Variants in ZBTB47 observed in about 807,000 individuals in gnomAD.
ZBTB47 encodes the protein zinc finger and BTB domain containing 47.
In ZBTB47, 24 loss-of-function variants were observed where a neutral mutation model predicts 56.6. That is an observed-to-expected ratio of 0.42 (90% CI 0.31 to 0.60). The LOEUF (loss-of-function observed/expected upper bound fraction) is 0.60. Ranked by LOEUF, ZBTB47 falls within the 20% of genes least tolerant of loss-of-function variation. The pLI is 0.14. For synonymous variants in ZBTB47, 414 were observed against 418.9 expected (o/e 0.99, Z 0.14); for missense variants, 829 against 1,032.6 (o/e 0.80, Z 2.70).
At chr3:42,661,363 C>A in intron 2 of ZBTB47, 122 bp from the exon 3 acceptor site, 1 of 1,126,092 alleles carries the variant, frequency 8.9e-7, no homozygotes, top group Non-Finnish European at 1.3e-6. Flanking sequence ...TGGCTGTTGG[C>A]ATCAAGGGCT....
In ZBTB47 at chr3:42,659,395, A is replaced by G. The variant is rs1710683498; in HGVS notation, c.1040A>G (p.Glu347Gly). ...GAGCAGGATCAAGAGAGCTCTGAGG[A>G]GGAGGAGGGGGAGGAGGGGGAGGCT... The part of the protein sequence containing the change: ...PSEQDQESSE[E>G]EEGEEGEAGG... Residue 347 changes from glutamate to glycine, a missense_variant, in exon 2 of 6, where the codon GAG becomes GGG. Glu to Gly is a moderately conservative substitution (Grantham distance 98, BLOSUM62 -2). Around this residue, in one of 6 missense-constraint regions of ZBTB47, gnomAD observed 359 missense variants for 359.8 expected, o/e 1.00. Transcript: ENST00000232974. 1.1e-6 allele frequency: 1 copy of G among 872,982 alleles called. No individual in the cohort carries two copies. The highest frequency in any genetic ancestry group is 1.4e-6 in the Non-Finnish European group (1 of 733,166). 54.1% of individuals were successfully genotyped at this position (872,982 alleles called of 1,614,324 possible).
In ZBTB47 at chr3:42,659,678, C is replaced by T. The variant is rs758668842; in HGVS notation, c.1323C>T (p.Cys441=). The T allele has an allele frequency of 6.2e-7, 1 of 1,612,780 alleles. No homozygotes were observed. Among genetic ancestry groups the T allele is most frequent in the East Asian group, 2.2e-5 (1 of 44,828 alleles). Residue 441 remains cysteine, a synonymous_variant, in exon 2 of 6, where the codon TGC becomes TGT. Coordinates refer to ENST00000232974, the MANE Select transcript of ZBTB47 (RefSeq NM_145166.4). ...EEKQHHPCQK[C]PRVFNNRWYL... ...AGCAGCACCATCCATGCCAGAAGTG[C>T]CCACGAGTTTTCAACAACCGCTGGT...
At chr3:42,657,528 A>G (rs2125836435) in intron 1 of ZBTB47, among the ~76,000 whole-genome samples, 1 of 152,306 alleles carries the variant, frequency 6.6e-6, no homozygotes, top group East Asian at 1.9e-4. Context: ...GCCTGGCCCA[A>G]GCCCTGGCTG....
chr3:42,660,009 A>G (rs1710694464), intron 2 of ZBTB47, among the ~76,000 whole-genome samples, 181 bp downstream of exon 2: 1 of 152,202 alleles, frequency 6.6e-6, no homozygotes, highest in Admixed American at 6.5e-5. Context: ...CTCAGGGGTA[A>G]CATCAAGCCG....
Position 42,654,760 on chromosome 3 carries a change from C to T in ZBTB47, c.-82+877C>T. 1.0e-6 allele frequency: 1 copy of T among 979,694 alleles called. No homozygotes were observed. Among genetic ancestry groups the T allele is most frequent in the Non-Finnish European group, 1.2e-6 (1 of 824,816 alleles). 60.7% of individuals were successfully genotyped at this position (979,694 alleles called of 1,614,324 possible). A position where few individuals can be genotyped will look rare whatever the true frequency, so the allele number is the denominator to read the frequency against. ...CCTGCCAGCTCTGACCTCCCAGGCA[C>T]ACGGCCCGCGGGCCCGGGTGGAGGG... On this transcript the variant is annotated intron_variant, in intron 1 of 5. Transcript: ENST00000232974. This position sits in a 1 kb window ranked among gnomAD's most constrained non-coding sequence, Gnocchi z 5.0.
At chr3:42,662,447 G>A (rs1386173472) in intron 3 of ZBTB47, among the ~76,000 whole-genome samples, 1 of 152,208 alleles carries the variant, frequency 6.6e-6, no homozygotes, top group African/African-American at 2.4e-5. Flanking sequence ...TGTCTCCAGT[G>A]GCCACCTACC....
chr3:42,654,706 C>T lies in ZBTB47; in HGVS notation c.-82+823C>T. On this transcript the variant is annotated intron_variant, in intron 1 of 5. Transcript: ENST00000232974. The surrounding 1 kb of genome is among the most constrained non-coding windows in gnomAD (Gnocchi z 5.0). ...CGCCACGGCACCATGGTACGCAGGG[C>T]CCTGCCTGTCCCCCCGCTTATCCGC... The T allele has an allele frequency of 2.0e-6, 2 of 985,042 alleles. No homozygotes were observed. Among genetic ancestry groups the T allele is most frequent in the Non-Finnish European group, 2.4e-6 (2 of 829,754 alleles). The allele number at this position is 985,042 out of a possible 1,614,324, so 61.0% of individuals were successfully genotyped here.
At position 42,664,689 on chromosome 3, in the gene ZBTB47, C is replaced by T. The variant is rs1397974034; in HGVS notation, c.*91C>T. ...TGCCTTCCCGGGGAGCACAGTAGTGCGGGCCTGGGCCCTGCTCCACCTCCA... is the reference window on the plus strand; with the variant it reads ...TGCCTTCCCGGGGAGCACAGTAGTGTGGGCCTGGGCCCTGCTCCACCTCCA... On this transcript the variant is annotated 3_prime_UTR_variant, in exon 6 of 6. Transcript: ENST00000232974. 13 of 1,314,104 alleles carry T rather than the reference C, an allele frequency of 9.9e-6. No homozygotes were observed. Among genetic ancestry groups the T allele is most frequent in the East Asian group, 3.1e-5 (1 of 31,958 alleles). The allele number at this position is 1,314,104 out of a possible 1,614,324, so 81.4% of individuals were successfully genotyped here.
At chr3:42,657,914 A>T (rs1710657694) in intron 1 of ZBTB47, among the ~76,000 whole-genome samples, 1 of 152,192 alleles carries the variant, frequency 6.6e-6, no homozygotes, top group South Asian at 2.1e-4. Context: ...TGCACCCCAG[A>T]AAATGCCCAG....
At chr3:42,655,270 G>A (rs925011294) in intron 1 of ZBTB47, among the ~76,000 whole-genome samples, 1 of 152,136 alleles carries the variant, frequency 6.6e-6, no homozygotes, top group African/African-American at 2.4e-5. Context: ...GTGCCCCCTT[G>A]CTCAGTCTGG....
In ZBTB47 at chr3:42,658,511, G is replaced by A. The variant is rs1440946562; in HGVS notation, c.156G>A (p.Leu52=). The A allele has an allele frequency of 3.3e-6, 5 of 1,537,202 alleles. No homozygotes were observed. Among genetic ancestry groups the A allele is most frequent in the South Asian group, 1.2e-5 (1 of 84,066 alleles). ...FHSLFTQNKQ[L]QRVELSLEAL... ...CACTCTTCACCCAGAACAAGCAGCT[G>A]CAGCGTGTGGAGCTGTCCCTGGAGG... is the stretch of plus-strand genomic sequence containing the variant. The change falls in exon 2 of 6, where the codon CTG becomes CTA. Residue 52 remains leucine, a synonymous_variant. Transcript: ENST00000232974.
Position 42,658,687 on chromosome 3 carries a change from C to A in ZBTB47, c.332C>A (p.Ala111Asp). 4 of 1,536,236 alleles carry A rather than the reference C, an allele frequency of 2.6e-6. No individual in the cohort carries two copies. The highest frequency in any genetic ancestry group is 3.5e-6 in the Non-Finnish European group (4 of 1,146,852). The part of the protein sequence containing the change: ...IAASCQELLD[A>D]RSLGPPGPGT... ...GCGTCCTGCCAAGAGCTGCTGGACG[C>A]CCGCTCTCTAGGCCCACCAGGTCCG... Residue 111 changes from alanine (A) to aspartate (D), a missense_variant, in exon 2 of 6, where the codon GCC becomes GAC. Transcript: ENST00000232974.
chr3:42,664,843 C>CTTTTTT lies in ZBTB47; in HGVS notation c.*254_*259dup. The CTTTTTT allele has an allele frequency of 3.3e-6, 1 of 300,120 alleles. No homozygotes were observed. 18.6% of individuals were successfully genotyped at this position (300,120 alleles called of 1,614,324 possible). ...TTTCTGTGACTCCTTGAAGCCTTTA[C>CTTTTTT]TTTTTTTTTTTTTTGGAAGTGAAGG... On this transcript the variant is annotated 3_prime_UTR_variant, in exon 6 of 6. Coordinates refer to ENST00000232974, the MANE Select transcript of ZBTB47 (RefSeq NM_145166.4).
chr3:42,660,361 C>G (rs1045692415), intron 2 of ZBTB47, among the ~76,000 whole-genome samples: 10 of 152,244 alleles, frequency 6.6e-5, no homozygotes, highest in Non-Finnish European at 1.5e-4. Flanking sequence ...GAGGAGGGGG[C>G]AGCCCAGCAG....
intron 3 of ZBTB47, 72 bp downstream of exon 3, chr3:42,661,704 G>A: frequency 5.1e-6 from 8 of 1,574,692 alleles, no homozygotes; most frequent in Non-Finnish European, 6.9e-6. Context: ...GGATGGGAAA[G>A]ACTTCACATC....
At position 42,664,694 on chromosome 3, in the gene ZBTB47, C is replaced by G; in HGVS notation, c.*96C>G. The G allele has an allele frequency of 7.7e-7, 1 of 1,304,700 alleles. No homozygotes were observed. Among genetic ancestry groups the G allele is most frequent in the African/African-American group, 1.6e-5 (1 of 64,080 alleles). The allele number at this position is 1,304,700 out of a possible 1,614,324, so 80.8% of individuals were successfully genotyped here. ...TCCCGGGGAGCACAGTAGTGCGGGC[C>G]TGGGCCCTGCTCCACCTCCAGAAGT... is the stretch of plus-strand genomic sequence containing the variant. On this transcript the variant is annotated 3_prime_UTR_variant, in exon 6 of 6. Coordinates refer to ENST00000232974, the MANE Select transcript of ZBTB47 (RefSeq NM_145166.4).
At position 42,666,237 on chromosome 3, in the gene ZBTB47, A is replaced by C. The variant is rs1317630362; in HGVS notation, c.*1639A>C. On this transcript the variant is annotated 3_prime_UTR_variant, in exon 6 of 6. Transcript: ENST00000232974. The stretch of plus-strand genomic sequence containing the variant: ...CACCCTGGTTGTTCTCTGGGCTTGG[A>C]GGGTACAGTGCCAGCAGCTTCCTTG... Among the ~76,000 whole-genome samples the C allele has an allele frequency of 6.6e-6, 1 of 152,180 alleles. No individual in the cohort carries two copies. The highest frequency in any genetic ancestry group is 6.5e-5 in the Admixed American group (1 of 15,278).
At chr3:42,655,300 G>A (rs1345006892) in intron 1 of ZBTB47, among the ~76,000 whole-genome samples, 1 of 152,178 alleles carries the variant, frequency 6.6e-6, no homozygotes, top group African/African-American at 2.4e-5. Flanking sequence ...CTGCTGCCCA[G>A]CATAGAAAGA....
In ZBTB47 at chr3:42,661,508, C is replaced by T. The variant is rs1370061982; in HGVS notation, c.1497C>T (p.Phe499=). The T allele has an allele frequency of 6.2e-7, 1 of 1,613,964 alleles. No homozygotes were observed. The highest frequency in any genetic ancestry group is 2.2e-5 in the East Asian group (1 of 44,876). ...NIQCVTCGKA[F]KKLWSLHEHN... ...AGTGTGTGACATGTGGCAAAGCTTT[C>T]AAGAAGCTTTGGTCCCTCCATGAGC... The change falls in exon 3 of 6, where the codon TTC becomes TTT. Residue 499 remains phenylalanine (F), a synonymous_variant. Transcript: ENST00000232974.
Sources: allele counts gnomAD v4.1 joint callset (sites outside exome capture counted in the v4.1 genomes callset), GRCh38; gene constraint gnomAD v4.1.1; regional missense constraint gnomAD v4.1.1; non-coding constraint Gnocchi (gnomAD v3.1); transcripts MANE v1.5; gene names NCBI Gene and HGNC (gene_info 2026-07-23, HGNC 2026-07-21).